MYO1F: variants seen among roughly 807,000 people sequenced by gnomAD.
The protein encoded by MYO1F is unconventional myosin-If.
A neutral mutation model predicts 146.6 loss-of-function variants in MYO1F; 60 were observed. The observed-to-expected ratio is 0.41, with a 90% CI of 0.33 to 0.51. The LOEUF is 0.51. MYO1F is among the 20% of genes least tolerant of loss of function. MYO1F has a pLI of 0.25. For synonymous variants in MYO1F, 602 were observed against 602.1 expected (o/e 1.00, Z 0.00); for missense variants, 1,274 against 1,534.3 (o/e 0.83, Z 2.83).
intron 4 of MYO1F, among the ~76,000 whole-genome samples, chr19:8,553,916 T>TCTCTCTCTCG (rs1555726922): frequency 7.1e-6 from 1 of 141,444 alleles, no homozygotes; most frequent in African/African-American, 2.5e-5. Context: ...TCTCTCTCTC[T>TCTCTCTCTCG]CTCTCTCGCT....
intron 19 of MYO1F, among the ~76,000 whole-genome samples, chr19:8,531,194 A>T (rs1187615428): frequency 6.8e-6 from 1 of 147,684 alleles, no homozygotes; most frequent in East Asian, 2.1e-4. Context: ...CTAAAAACAT[A>T]AAATTAGCCG....
chr19:8,577,015 T>C lies in MYO1F; in HGVS notation c.3+292A>G, dbSNP rs2042250574. On this transcript the variant is annotated intron_variant, in intron 1 of 27. Transcript: ENST00000644032. The surrounding 1 kb of genome is among the most constrained non-coding windows in gnomAD (Gnocchi z 4.3). The stretch of plus-strand genomic sequence containing the variant: ...TTGCAAGCAAAGGAGGCTATGTCCT[T>C]GTCCCTGCAGACTCTGTGATTCTCC... The C allele has an allele frequency of 1.7e-6, 1 of 586,020 alleles. No homozygotes were observed. The highest frequency in any genetic ancestry group is 3.0e-5 in the Admixed American group (1 of 33,398). The allele number at this position is 586,020 out of a possible 1,614,324, so 36.3% of individuals were successfully genotyped here. A position where few individuals can be genotyped will look rare whatever the true frequency, so the allele number is the denominator to read the frequency against.
chr19:8,546,929 T>G (rs1166533038), intron 12 of MYO1F, among the ~76,000 whole-genome samples: 1 of 152,066 alleles, frequency 6.6e-6, no homozygotes, highest in Non-Finnish European at 1.5e-5. Flanking sequence ...TCCACCCACC[T>G]CAGCCTCCCA....
At chr19:8,535,831 C>T (rs1305596794) in intron 19 of MYO1F, among the ~76,000 whole-genome samples, 1 of 152,066 alleles carries the variant, frequency 6.6e-6, no homozygotes, top group Non-Finnish European at 1.5e-5. Context: ...AGGTGCCCGC[C>T]ACCATGCCCG....
chr19:8,568,766 C>T (rs1002099705), intron 1 of MYO1F, among the ~76,000 whole-genome samples: 2 of 151,808 alleles, frequency 1.3e-5, no homozygotes, highest in Non-Finnish European at 2.9e-5. Flanking sequence ...ACTAAAAATA[C>T]AAAAATTAGC....
chr19:8,562,495 T>G (rs1260404835), intron 1 of MYO1F, among the ~76,000 whole-genome samples: 1 of 151,988 alleles, frequency 6.6e-6, no homozygotes, highest in African/African-American at 2.4e-5. Context: ...TTTTGTTCAG[T>G]GTGCTAAGAG....
chr19:8,549,497 A>T (rs569369703), intron 10 of MYO1F: 85 of 151,916 alleles, frequency 5.6e-4, no homozygotes, highest in African/African-American at 2.0e-3. Flanking sequence ...TCCATACATT[A>T]AAAAAGTTTT....
intron 14 of MYO1F, chr19:8,544,041 C>CGG (rs1973220998): frequency 2.7e-4 from 58 of 211,088 alleles, no homozygotes; most frequent in Middle Eastern, 1.1e-3. Flanking sequence ...GGTGGCGGTG[C>CGG]TGGTGGTGGT....
At chr19:8,527,060 C>T in intron 22 of MYO1F, 125 bp from the exon 23 acceptor site, 1 of 1,308,102 alleles carries the variant, frequency 7.6e-7, no homozygotes. Flanking sequence ...CAGCGGTGAC[C>T]AGGTAGGAGA....
chr19:8,568,090 C>T (rs1046002358), intron 1 of MYO1F, among the ~76,000 whole-genome samples: 1 of 152,172 alleles, frequency 6.6e-6, no homozygotes, highest in Non-Finnish European at 1.5e-5. Context: ...GCCCCAGGCA[C>T]TAGAGGCCCT....
At chr19:8,534,509 G>A (rs887228728) in intron 19 of MYO1F, among the ~76,000 whole-genome samples, 4 of 151,986 alleles carry the variant, frequency 2.6e-5, no homozygotes, top group African/African-American at 9.7e-5. Context: ...GTTTCCCCAT[G>A]TTGGCCAGGC....
intron 1 of MYO1F, among the ~76,000 whole-genome samples, chr19:8,564,969 C>T (rs1298579058): frequency 6.6e-6 from 1 of 151,196 alleles, no homozygotes; most frequent in African/African-American, 2.5e-5. Flanking sequence ...GACAGGATTT[C>T]ACCACGTTGG....
intron 15 of MYO1F, among the ~76,000 whole-genome samples, chr19:8,540,942 C>G (rs961458257): frequency 6.6e-6 from 1 of 152,032 alleles, no homozygotes; most frequent in Non-Finnish European, 1.5e-5. Flanking sequence ...AGTTCAGAAT[C>G]AGATGCAGAT....
At chr19:8,554,608 G>T (rs1480970613) in intron 3 of MYO1F, 37 bp from the exon 4 acceptor site, 1 of 1,610,888 alleles carries the variant, frequency 6.2e-7, no homozygotes, top group East Asian at 2.2e-5. Context: ...CAGGGCTGGG[G>T]GCCAGGAGTC....
At chr19:8,554,308 A>T (rs2145925043) in intron 4 of MYO1F, among the ~76,000 whole-genome samples, 169 bp downstream of exon 4, 1 of 152,226 alleles carries the variant, frequency 6.6e-6, no homozygotes, top group East Asian at 1.9e-4. Flanking sequence ...GAATCAATAA[A>T]ATACATCGTG....
In MYO1F at chr19:8,526,933, G is replaced by T. The variant is rs921998705; in HGVS notation, c.2477C>A (p.Thr826Lys). Residue 826 changes from threonine (T) to lysine (K), a missense_variant and splice_region_variant, in exon 23 of 28, where the codon ACG becomes AAG. Thr to Lys is a moderately conservative substitution (Grantham distance 78). Transcript: ENST00000644032. ...GAGGATGAAGAAGTCGTCCTGTCGC[G>T]TGCTGGGGAGGGGCGGGTGAGAGCG... ...IQALRGVSLS[T>K]RQDDFFILQE... 10 of 1,613,800 alleles carry T rather than the reference G, an allele frequency of 6.2e-6. 1 individual carries two copies. Among genetic ancestry groups the T allele is most frequent in the Middle Eastern group, 3.3e-4 (2 of 6,084 alleles).
chr19:8,540,232 C>T lies in MYO1F; in HGVS notation c.1611-204G>A. 9.8e-6 allele frequency: 5 copies of T among 511,252 alleles called. No individual in the cohort carries two copies. In the South Asian group the frequency reaches 1.3e-4, roughly 13 times the overall value. 31.7% of individuals were successfully genotyped at this position (511,252 alleles called of 1,614,324 possible). A position where few individuals can be genotyped will look rare whatever the true frequency, so the allele number is the denominator to read the frequency against. ...CCTCGCTTTGTCCTCCAGGTTGGGG[C>T]GCATTGGTGCGATGATAGGAACTGC... is the stretch of plus-strand genomic sequence containing the variant. On this transcript the variant is annotated intron_variant, in intron 15 of 27. Coordinates refer to ENST00000644032, the MANE Select transcript of MYO1F (RefSeq NM_012335.4).
chr19:8,528,714 C>T (rs1972365365), intron 21 of MYO1F, among the ~76,000 whole-genome samples: 1 of 152,152 alleles, frequency 6.6e-6, no homozygotes, highest in Non-Finnish European at 1.5e-5. Flanking sequence ...GATGAGAACA[C>T]TTAGACCAGG....
In MYO1F at chr19:8,525,502, C is replaced by T. The variant is rs751812345; in HGVS notation, c.2831G>A (p.Arg944Gln). The T allele has an allele frequency of 6.2e-7, 1 of 1,613,462 alleles. No individual in the cohort carries two copies. Among genetic ancestry groups the T allele is most frequent in the Non-Finnish European group, 8.5e-7 (1 of 1,179,946 alleles). Residue 944 changes from arginine to glutamine, a missense_variant, in exon 25 of 28, where the codon CGG becomes CAG. Physicochemically the swap from Arg to Gln is conservative, Grantham distance 43. Coordinates refer to ENST00000644032, the MANE Select transcript of MYO1F (RefSeq NM_012335.4). ...KPRRSSQAPT[R>Q]AAPAPPRGMD... ...ACCTCTGGGGGGCGCAGGGGCCGCC[C>T]GGGTAGGGGCTTGGGACGACCTCCG...
Sources: gnomAD v4.1 joint callset for allele counts (sites outside exome capture counted in the v4.1 genomes callset) on GRCh38, gnomAD v4.1.1 for gene constraint, Gnocchi (gnomAD v3.1) non-coding constraint, MANE v1.5 for transcripts, NCBI Gene and HGNC (gene_info 2026-07-23, HGNC 2026-07-21) for gene names.